Variants in SFXN5 observed in about 807,000 individuals in gnomAD.
SFXN5 encodes the protein sideroflexin-5.
Under a neutral mutation model 50.2 loss-of-function variants are expected in SFXN5, and 43 were observed. The observed-to-expected ratio is 0.86, with a 90% CI of 0.67 to 1.11. The LOEUF (loss-of-function observed/expected upper bound fraction) is 1.11, where lower values mean the gene tolerates loss of function less well. Ranked by LOEUF, SFXN5 falls within the 50% of genes least tolerant of loss-of-function variation. The probability of loss-of-function intolerance (pLI) is 0.00; values close to 1 mark genes in which losing one functional copy is unlikely to be tolerated. For synonymous variants in SFXN5, 203 were observed against 185.8 expected, an observed-to-expected ratio of 1.09 and a Z score of -0.75; for missense variants, 463 against 454.1, an observed-to-expected ratio of 1.02 and a Z score of -0.18.
intron 12 of SFXN5, among the ~76,000 whole-genome samples, chr2:72,963,566 G>T (rs1302470869): frequency 6.6e-6 from 1 of 152,090 alleles, no homozygotes; most frequent in African/African-American, 2.4e-5. Context: ...GGCAAGGAGG[G>T]AAGGGAAAGG....
intron 10 of SFXN5, among the ~76,000 whole-genome samples, chr2:72,987,626 A>G (rs1233902626): frequency 1.3e-5 from 2 of 151,936 alleles, no homozygotes; most frequent in African/African-American, 4.8e-5. Flanking sequence ...ATGGTGGCGC[A>G]TGCCTGTAAT....
At chr2:73,051,647 C>T (rs1681344626) in intron 2 of SFXN5, among the ~76,000 whole-genome samples, 1 of 152,206 alleles carries the variant, frequency 6.6e-6, no homozygotes, top group African/African-American at 2.4e-5. Context: ...TATAGCAACA[C>T]CCCACTTCTG....
Position 72,945,845 on chromosome 2 carries a change from C to T in SFXN5, c.946-746G>A, listed in dbSNP as rs1354574155. 6.6e-6 allele frequency among the ~76,000 whole-genome samples: 1 copy of T among 151,978 alleles called. No homozygotes were observed. Among genetic ancestry groups the T allele is most frequent in the African/African-American group, 2.4e-5 (1 of 41,344 alleles). On this transcript the variant is annotated intron_variant, in intron 13 of 13. Coordinates refer to ENST00000272433, the MANE Select transcript of SFXN5 (RefSeq NM_144579.3). This position sits in a 1 kb window ranked among gnomAD's most constrained non-coding sequence, Gnocchi z 5.8. ...GCAGACAACCACCCCACCCCTGCCC[C>T]CATAGCCAGGTCAGCTCCCTCGCCC...
At chr2:73,009,859 A>G (rs67755281) in intron 6 of SFXN5, among the ~76,000 whole-genome samples, 1 of 82,792 alleles carries the variant, frequency 1.2e-5, no homozygotes, top group Admixed American at 1.1e-4. Flanking sequence ...GTAAGGAGAG[A>G]GTGGAAACGT....
intron 3 of SFXN5, among the ~76,000 whole-genome samples, chr2:73,035,309 T>A (rs1678832003): frequency 6.6e-6 from 1 of 152,086 alleles, no homozygotes; most frequent in East Asian, 1.9e-4. Flanking sequence ...GAGTCAACAT[T>A]CAGAAACTTA....
chr2:73,033,100 G>A (rs901681816), intron 3 of SFXN5, among the ~76,000 whole-genome samples: 2 of 152,170 alleles, frequency 1.3e-5, no homozygotes, highest in Admixed American at 1.3e-4. Context: ...ATGTGATTTA[G>A]GGCAATACGC....
rs1672386601 is a variant in SFXN5 at position 72,950,232 on chromosome 2, G to T, written c.946-5133C>A. On this transcript the variant is annotated intron_variant, in intron 13 of 13. Transcript: ENST00000272433. The surrounding 1 kb of genome is among the most constrained non-coding windows in gnomAD (Gnocchi z 4.2). ...CGAGGAGCGAACGTAATGACAGAGG[G>T]TGCCACAAACACTGAGCAGCCATGA... Among the ~76,000 whole-genome samples the T allele has an allele frequency of 6.6e-6, 1 of 152,132 alleles. No homozygotes were observed. The highest frequency in any genetic ancestry group is 2.4e-5 in the African/African-American group (1 of 41,420).
In SFXN5 at chr2:73,022,508, C is replaced by A; in HGVS notation, c.331+14G>T. 6.2e-7 allele frequency: 1 copy of A among 1,610,184 alleles called. No homozygotes were observed. The highest frequency in any genetic ancestry group is 8.5e-7 in the Non-Finnish European group (1 of 1,176,616). On this transcript the variant is annotated intron_variant, in intron 5 of 13. Transcript: ENST00000272433. ...CCCAGGCTGACCAGAACCAGAAGGGCCCCAGGAGCTTACCTGACATTCTAA... is the reference window on the plus strand; with the variant it reads ...CCCAGGCTGACCAGAACCAGAAGGGACCCAGGAGCTTACCTGACATTCTAA...
At chr2:73,005,433 C>T (rs1175251192) in intron 6 of SFXN5, among the ~76,000 whole-genome samples, 2 of 152,192 alleles carry the variant, frequency 1.3e-5, no homozygotes, top group Non-Finnish European at 2.9e-5. Context: ...TGACCACAGG[C>T]AAGTCACTGG....
intron 3 of SFXN5, among the ~76,000 whole-genome samples, chr2:73,035,534 C>T (rs187921022): frequency 7.5e-6 from 1 of 132,784 alleles, no homozygotes; most frequent in East Asian, 2.2e-4. Context: ...GAGTCTCACT[C>T]TGTCACCCAG....
At position 72,998,936 on chromosome 2, in the gene SFXN5, A is replaced by AG; in HGVS notation, c.534+12dup. On this transcript the variant is annotated intron_variant, in intron 9 of 13. Coordinates refer to ENST00000272433, the MANE Select transcript of SFXN5 (RefSeq NM_144579.3). Reference sequence around the variant, plus strand: ...CAGCAGAGCCAAGAAGGAGCAGGGGAGGGAGTACTCACAGCAATGGAGACG... The same window carrying AG: ...CAGCAGAGCCAAGAAGGAGCAGGGGAGGGGAGTACTCACAGCAATGGAGACG... The AG allele has an allele frequency of 6.2e-7, 1 of 1,613,428 alleles. No homozygotes were observed. Among genetic ancestry groups the AG allele is most frequent in the Non-Finnish European group, 8.5e-7 (1 of 1,179,590 alleles).
intron 2 of SFXN5, among the ~76,000 whole-genome samples, chr2:73,048,670 C>T (rs1024873877): frequency 5.3e-5 from 8 of 152,304 alleles, no homozygotes; most frequent in African/African-American, 1.7e-4. Flanking sequence ...TCAGGAAGCA[C>T]ACAACGTCAG....
At chr2:73,030,440 G>A (rs1559176471) in intron 3 of SFXN5, among the ~76,000 whole-genome samples, 1 of 152,070 alleles carries the variant, frequency 6.6e-6, no homozygotes, top group Non-Finnish European at 1.5e-5. Context: ...ATGAACTCCT[G>A]GCCTCAAGCA....
At chr2:73,009,029 G>A (rs1446578338) in intron 6 of SFXN5, among the ~76,000 whole-genome samples, 1 of 152,168 alleles carries the variant, frequency 6.6e-6, no homozygotes, top group East Asian at 1.9e-4. Flanking sequence ...GCTTGACTGT[G>A]GTTTCCAGAA....
intron 11 of SFXN5, among the ~76,000 whole-genome samples, chr2:72,969,119 T>C (rs1674846457): frequency 1.3e-5 from 2 of 152,036 alleles, no homozygotes; most frequent in South Asian, 4.1e-4. Flanking sequence ...CCAGTGTTCT[T>C]CTTACCACAC....
At chr2:73,043,093 C>T (rs1679865102) in intron 2 of SFXN5, among the ~76,000 whole-genome samples, 1 of 152,140 alleles carries the variant, frequency 6.6e-6, no homozygotes, top group African/African-American at 2.4e-5. Flanking sequence ...AACAAATAAA[C>T]AAACAGCAGC....
chr2:72,992,835 G>A lies in SFXN5; in HGVS notation c.535-4487C>T, dbSNP rs189263079. Among the ~76,000 whole-genome samples, 34 of 152,284 alleles carry A rather than the reference G, an allele frequency of 2.2e-4. No homozygotes were observed. Among genetic ancestry groups the A allele is most frequent in the Admixed American group, 7.8e-4 (12 of 15,300 alleles). On this transcript the variant is annotated intron_variant, in intron 9 of 13. Transcript: ENST00000272433. This position sits in a 1 kb window ranked among gnomAD's most constrained non-coding sequence, Gnocchi z 4.5. The stretch of plus-strand genomic sequence containing the variant: ...ACATGGCGACTTGCTTAAAGCCTTC[G>A]GTGACACTGGAGGAGCCACACGGCC...
chr2:72,964,512 C>T (rs1674143358), intron 12 of SFXN5, among the ~76,000 whole-genome samples: 1 of 152,226 alleles, frequency 6.6e-6, no homozygotes, highest in African/African-American at 2.4e-5. Flanking sequence ...GGCTCCACAG[C>T]CACATCAGAC....
chr2:72,972,902 CCCT>C (rs1302373522), intron 10 of SFXN5, among the ~76,000 whole-genome samples: 1 of 152,138 alleles, frequency 6.6e-6, no homozygotes, highest in East Asian at 1.9e-4. Flanking sequence ...TGCTGCTTCC[CCCT>C]CCTTCCAGTG....
Sources: allele counts gnomAD v4.1 joint callset (sites outside exome capture counted in the v4.1 genomes callset), GRCh38; gene constraint gnomAD v4.1.1; non-coding constraint Gnocchi (gnomAD v3.1); transcripts MANE v1.5; gene names NCBI Gene and HGNC (gene_info 2026-07-23, HGNC 2026-07-21).